Variants in KCNT2 observed in about 807,000 individuals in gnomAD.
The protein encoded by KCNT2 is potassium channel subfamily T member 2.
Under a neutral mutation model 153.8 loss-of-function variants are expected in KCNT2, and 67 were observed. That is an observed-to-expected ratio of 0.44 (90% CI 0.36 to 0.53). The LOEUF is 0.53. Ranked by LOEUF, KCNT2 falls within the 20% of genes least tolerant of loss-of-function variation. KCNT2 has a pLI of 0.00. For missense variants in KCNT2, 975 were observed against 1,354.8 expected, an observed-to-expected ratio of 0.72 and a Z score of 4.40; for synonymous variants, 500 against 458.8, an observed-to-expected ratio of 1.09 and a Z score of -1.15.
chr1:196,273,468 T>C (rs2147838858), intron 25 of KCNT2: 1 of 1,529,502 alleles, frequency 6.5e-7, no homozygotes, highest in Middle Eastern at 1.7e-4. Context: ...AAATACTTAC[T>C]TGTGATGCTA....
At chr1:196,431,808 C>T (rs539062845) in intron 8 of KCNT2, among the ~76,000 whole-genome samples, 75 of 152,112 alleles carry the variant, frequency 4.9e-4, no homozygotes, top group African/African-American at 1.6e-3. Context: ...AAATACCCAG[C>T]CAGGTCAGAT....
chr1:196,471,771 T>C (rs1678127642), intron 5 of KCNT2, among the ~76,000 whole-genome samples: 1 of 152,232 alleles, frequency 6.6e-6, no homozygotes, highest in African/African-American at 2.4e-5. Flanking sequence ...TAGCCTTTTA[T>C]GATTTTTATT....
At chr1:196,495,871 C>T (rs2148746151) in intron 1 of KCNT2, among the ~76,000 whole-genome samples, 1 of 152,214 alleles carries the variant, frequency 6.6e-6, no homozygotes, top group Non-Finnish European at 1.5e-5. Context: ...TATGTTCTTG[C>T]TATTTAATAG....
chr1:196,377,529 T>G (rs1558215281), intron 13 of KCNT2, among the ~76,000 whole-genome samples: 1 of 151,896 alleles, frequency 6.6e-6, no homozygotes, highest in Non-Finnish European at 1.5e-5. Context: ...CACCTACCTA[T>G]GGAGAGATGT....
intron 1 of KCNT2, among the ~76,000 whole-genome samples, chr1:196,560,111 T>G (rs1271477620): frequency 6.6e-6 from 1 of 151,890 alleles, no homozygotes; most frequent in Non-Finnish European, 1.5e-5. Context: ...AAATGCTTGC[T>G]TTGCATCCAG....
intron 21 of KCNT2, among the ~76,000 whole-genome samples, chr1:196,306,174 C>T (rs964351071): frequency 2.0e-5 from 3 of 152,086 alleles, no homozygotes; most frequent in African/African-American, 7.2e-5. Flanking sequence ...GTGGCAGCCA[C>T]TTCTGTGATA....
Position 196,286,027 on chromosome 1 carries a change from C to A in KCNT2, c.2596-269G>T, listed in dbSNP as rs115697418. Among the ~76,000 whole-genome samples the A allele has an allele frequency of 4.6e-3, 697 of 151,558 alleles. 4 individuals are homozygous for A. The highest frequency in any genetic ancestry group is 0.015 in the African/African-American group (631 of 41,264). On this transcript the variant is annotated intron_variant, in intron 22 of 27. Transcript: ENST00000294725. ...TTACTCTTCATACAAGAAGAGACAT[C>A]ATAATGGAAACAAATAAAAATCATT... is the stretch of plus-strand genomic sequence containing the variant.
At chr1:196,471,652 C>T (rs1192795746) in intron 5 of KCNT2, among the ~76,000 whole-genome samples, 1 of 151,992 alleles carries the variant, frequency 6.6e-6, no homozygotes, top group Non-Finnish European at 1.5e-5. Flanking sequence ...CTGTTAATGC[C>T]CAGCAAAATT....
At chr1:196,433,505 T>C (rs925213743) in intron 8 of KCNT2, among the ~76,000 whole-genome samples, 4 of 152,060 alleles carry the variant, frequency 2.6e-5, no homozygotes, top group Admixed American at 2.0e-4. Context: ...ATTGAGGTGA[T>C]GGTATATATC....
At chr1:196,602,082 G>A (rs112276108) in intron 1 of KCNT2, among the ~76,000 whole-genome samples, 14 of 151,928 alleles carry the variant, frequency 9.2e-5, no homozygotes, top group African/African-American at 3.4e-4. Flanking sequence ...AAAAATAATT[G>A]TCTTTCTGGA....
At chr1:196,364,198 G>T (rs1328374791) in intron 14 of KCNT2, among the ~76,000 whole-genome samples, 1 of 152,084 alleles carries the variant, frequency 6.6e-6, no homozygotes, top group Non-Finnish European at 1.5e-5. Flanking sequence ...TAAATGTTAA[G>T]GGAAGTTTAT....
intron 1 of KCNT2, among the ~76,000 whole-genome samples, chr1:196,494,874 G>A (rs1680133533): frequency 6.6e-6 from 1 of 152,002 alleles, no homozygotes; most frequent in Non-Finnish European, 1.5e-5. Context: ...CACGAATTAC[G>A]AATGAGAATT....
At chr1:196,378,374 C>G (rs1413435461) in intron 13 of KCNT2, among the ~76,000 whole-genome samples, 1 of 152,102 alleles carries the variant, frequency 6.6e-6, no homozygotes, top group Non-Finnish European at 1.5e-5. Context: ...GGAGCCACAT[C>G]TAGATCCAAC....
At chr1:196,334,755 A>G (rs1429652284) in intron 16 of KCNT2, among the ~76,000 whole-genome samples, 1 of 152,114 alleles carries the variant, frequency 6.6e-6, no homozygotes, top group Admixed American at 6.6e-5. Flanking sequence ...AAGTTTCTAC[A>G]AGATGAAACC....
intron 12 of KCNT2, among the ~76,000 whole-genome samples, chr1:196,419,765 C>A (rs1184023825): frequency 2.6e-5 from 4 of 151,958 alleles, no homozygotes; most frequent in Non-Finnish European, 4.4e-5. Context: ...CAATTTTCCA[C>A]CCTTAGTTTT....
intron 14 of KCNT2, among the ~76,000 whole-genome samples, chr1:196,369,133 G>C (rs544630870): frequency 1.3e-5 from 2 of 152,106 alleles, no homozygotes; most frequent in East Asian, 1.9e-4. Context: ...TAAGTATTGT[G>C]AAAACAAATT....
Position 196,400,182 on chromosome 1 carries a change from GC to G in KCNT2, c.1186-1512del, listed in dbSNP as rs543888715. On this transcript the variant is annotated intron_variant, in intron 12 of 27. Coordinates refer to ENST00000294725, the MANE Select transcript of KCNT2 (RefSeq NM_198503.5). ...GAATACTTGTTAATCAATTTTACAT[GC>G]TTTTAAATCTGAGGTTTGAGGGTTA... 3.3e-3 allele frequency among the ~76,000 whole-genome samples: 500 copies of G among 151,714 alleles called. 2 individuals are homozygous for G. The highest frequency in any genetic ancestry group is 6.9e-3 in the Admixed American group (104 of 15,166).
chr1:196,488,085 A>G (rs1679574460), intron 3 of KCNT2, among the ~76,000 whole-genome samples: 1 of 152,020 alleles, frequency 6.6e-6, no homozygotes, highest in Non-Finnish European at 1.5e-5. Context: ...CACACATGGT[A>G]TATTAACAGT....
intron 14 of KCNT2, among the ~76,000 whole-genome samples, chr1:196,343,930 C>A (rs1418367578): frequency 2.0e-5 from 3 of 152,106 alleles, no homozygotes; most frequent in Non-Finnish European, 4.4e-5. Context: ...CAGGCACCTG[C>A]CACCATGCCC....
Sources: allele counts gnomAD v4.1 joint callset (sites outside exome capture counted in the v4.1 genomes callset), GRCh38; gene constraint gnomAD v4.1.1; transcripts MANE v1.5; gene names NCBI Gene and HGNC (gene_info 2026-07-23, HGNC 2026-07-21).